Variants in SCD5 observed in about 807,000 individuals in gnomAD.
SCD5 encodes the protein stearoyl-CoA desaturase 5.
In SCD5, 20 loss-of-function variants were observed where a neutral mutation model predicts 30.4. The observed-to-expected ratio is 0.66, with a 90% CI of 0.46 to 0.96. SCD5 has a LOEUF of 0.96. Ranked by LOEUF, SCD5 falls within the 40% of genes least tolerant of loss-of-function variation. The pLI is 0.00. For missense variants in SCD5, 381 were observed against 443.3 expected, an observed-to-expected ratio of 0.86 and a Z score of 1.26; for synonymous variants, 173 against 176.4, an observed-to-expected ratio of 0.98 and a Z score of 0.16.
chr4:82,780,402 G>C (rs531961361), intron 1 of SCD5, among the ~76,000 whole-genome samples: 9 of 152,182 alleles, frequency 5.9e-5, no homozygotes, highest in Non-Finnish European at 1.2e-4. Context: ...AGGAATGATA[G>C]CTTGCTTACC....
chr4:82,650,325 G>C (rs2148814572), intron 3 of SCD5, among the ~76,000 whole-genome samples: 1 of 152,288 alleles, frequency 6.6e-6, no homozygotes, highest in South Asian at 2.1e-4. Context: ...TCACAGACCT[G>C]CTAAGGAGGG....
intron 3 of SCD5, among the ~76,000 whole-genome samples, chr4:82,639,861 C>T (rs1414809659): frequency 2.0e-5 from 3 of 152,234 alleles, no homozygotes; most frequent in African/African-American, 7.2e-5. Context: ...TTCAAGAGAG[C>T]CTCTCCCAGT....
chr4:82,664,528 G>A (rs1162087333), intron 3 of SCD5, among the ~76,000 whole-genome samples: 1 of 152,162 alleles, frequency 6.6e-6, no homozygotes, highest in African/African-American at 2.4e-5. Context: ...CAACTATCAG[G>A]TAGGGACTTT....
intron 2 of SCD5, chr4:82,698,175 TC>T (rs1719737718): frequency 1.3e-5 from 6 of 455,566 alleles, no homozygotes. Context: ...AAGTTGTGCA[TC>T]TGAAGCTTAG....
intron 1 of SCD5, among the ~76,000 whole-genome samples, chr4:82,731,805 C>G (rs888927138): frequency 4.6e-5 from 7 of 152,160 alleles, no homozygotes; most frequent in Non-Finnish European, 1.0e-4. Flanking sequence ...AAATACTGAA[C>G]CCCAGACCTG....
At chr4:82,712,260 A>ATG (rs1720112140) in intron 1 of SCD5, among the ~76,000 whole-genome samples, 6 of 39,892 alleles carry the variant, frequency 1.5e-4, no homozygotes, top group African/African-American at 8.6e-4. Flanking sequence ...ATATATATAT[A>ATG]TATATATATA....
rs1362287597 is a variant in SCD5, at chr4:82,779,717, T to C, written c.232+18589A>G. On this transcript the variant is annotated intron_variant, in intron 1 of 4. Transcript: ENST00000319540. ...GGCAAATCACTCCTCCCTGTCTCTT[T>C]GTTTCCTCAAAAGCAAAATGTGGAT... Among the ~76,000 whole-genome samples the C allele has an allele frequency of 6.6e-5, 10 of 152,342 alleles. No individual in the cohort carries two copies. The East Asian group carries it at 1.9e-3, about 29-fold the overall frequency.
chr4:82,761,753 C>A (rs1721375523), intron 1 of SCD5, among the ~76,000 whole-genome samples: 3 of 151,266 alleles, frequency 2.0e-5, no homozygotes, highest in Non-Finnish European at 3.0e-5. Context: ...ACAACAGTCC[C>A]CAGAGTGTGA....
chr4:82,751,000 T>A (rs1404442876), intron 1 of SCD5, among the ~76,000 whole-genome samples: 1 of 152,196 alleles, frequency 6.6e-6, no homozygotes, highest in African/African-American at 2.4e-5. Flanking sequence ...CATATTAACC[T>A]CTGTGACTAT....
chr4:82,640,045 C>T (rs952615205), intron 3 of SCD5, among the ~76,000 whole-genome samples: 14 of 152,150 alleles, frequency 9.2e-5, no homozygotes, highest in Admixed American at 7.2e-4. Context: ...AGGGAGGTGC[C>T]GTGGCCTCCC....
chr4:82,688,486 C>T (rs1264534699), intron 2 of SCD5, among the ~76,000 whole-genome samples: 3 of 152,124 alleles, frequency 2.0e-5, no homozygotes, highest in Non-Finnish European at 2.9e-5. Context: ...CCAGTTCAGA[C>T]GCCAATTCAA....
chr4:82,723,256 AC>A (rs1241367586), intron 1 of SCD5, among the ~76,000 whole-genome samples: 2 of 152,010 alleles, frequency 1.3e-5, no homozygotes, highest in Admixed American at 6.6e-5. Context: ...CTTGTTTGTG[AC>A]GTTTATTTAT....
At chr4:82,639,491 G>A (rs1727497574) in intron 3 of SCD5, among the ~76,000 whole-genome samples, 1 of 152,234 alleles carries the variant, frequency 6.6e-6, no homozygotes, top group Non-Finnish European at 1.5e-5. Flanking sequence ...TGCATCATCT[G>A]GGCATTGGCC....
intron 3 of SCD5, among the ~76,000 whole-genome samples, chr4:82,678,582 C>T (rs1287627770): frequency 3.3e-5 from 5 of 152,170 alleles, no homozygotes; most frequent in Non-Finnish European, 7.3e-5. Context: ...AAATGACATA[C>T]ATAGCTGACC....
rs869227701 is a variant in SCD5, at chr4:82,656,437, CT to C, written c.570-19615del. Among the ~76,000 whole-genome samples, 11 of 152,240 alleles carry C rather than the reference CT, an allele frequency of 7.2e-5. No individual in the cohort carries two copies. In the East Asian group the frequency reaches 1.7e-3, roughly 24 times the overall value. ...GTCCCTGCAAAGGATGTGAACTCAT[CT>C]TTTTTTATGGCTGCATAGTATTCCA... On this transcript the variant is annotated intron_variant, in intron 3 of 4. Coordinates refer to ENST00000319540, the MANE Select transcript of SCD5 (RefSeq NM_001037582.3).
At chr4:82,776,921 A>T (rs1204956369) in intron 1 of SCD5, among the ~76,000 whole-genome samples, 1 of 152,224 alleles carries the variant, frequency 6.6e-6, no homozygotes, top group Non-Finnish European at 1.5e-5. Flanking sequence ...CTGAAGCTAA[A>T]CCTGTAGCTT....
chr4:82,728,057 T>C (rs901234575), intron 1 of SCD5, among the ~76,000 whole-genome samples: 8 of 152,166 alleles, frequency 5.3e-5, no homozygotes, highest in African/African-American at 1.4e-4. Flanking sequence ...GTCTCCTCTG[T>C]ATGTTTTTCC....
At chr4:82,691,082 G>C (rs1385343142) in intron 2 of SCD5, among the ~76,000 whole-genome samples, 1 of 152,186 alleles carries the variant, frequency 6.6e-6, no homozygotes, top group Non-Finnish European at 1.5e-5. Context: ...CTGGAGTGCA[G>C]TGGTGCGATC....
intron 1 of SCD5, among the ~76,000 whole-genome samples, chr4:82,720,584 G>A (rs1720350455): frequency 6.6e-6 from 1 of 151,982 alleles, no homozygotes; most frequent in East Asian, 1.9e-4. Flanking sequence ...AATAAATGCA[G>A]GTTAGAGGGG....
Sources: allele counts gnomAD v4.1 joint callset (sites outside exome capture counted in the v4.1 genomes callset), GRCh38; gene constraint gnomAD v4.1.1; transcripts MANE v1.5; gene names NCBI Gene and HGNC (gene_info 2026-07-23, HGNC 2026-07-21).